RCOR2: variants seen among roughly 807,000 people sequenced by gnomAD.
RCOR2 encodes REST corepressor 2.
RCOR2 carries 19 observed loss-of-function variants against 58.9 expected under a neutral mutation model. The observed-to-expected ratio is 0.32, with a 90% CI of 0.23 to 0.47. RCOR2 has a LOEUF of 0.47. RCOR2 is among the 20% of genes least tolerant of loss of function. RCOR2 has a pLI of 1.00. For missense variants in RCOR2, 590 were observed against 707.9 expected, an observed-to-expected ratio of 0.83 and a Z score of 1.89; for synonymous variants, 286 against 278.7, an observed-to-expected ratio of 1.03 and a Z score of -0.26.
chr11:63,911,930 G>A lies in RCOR2; in HGVS notation c.1507C>T (p.Pro503Ser). Reference protein sequence around the residue: ...ALAAPRHSARPGPQPPPTLIG... With the variant: ...ALAAPRHSARSGPQPPPTLIG... Reference sequence around the variant, plus strand: ...AGGGTGGGTGGGGGCTGAGGGCCAGGGCGGGCGCTGTGGCGGGGGGCAGCC... The same window carrying A: ...AGGGTGGGTGGGGGCTGAGGGCCAGAGCGGGCGCTGTGGCGGGGGGCAGCC... The change falls in exon 12 of 12, where the codon CCT becomes TCT. Residue 503 changes from proline (P) to serine (S), a missense_variant. This residue lies in a region of RCOR2 where 196 missense variants were observed against 210.7 expected (regional missense o/e 0.93). Transcript: ENST00000301459. 1 of 1,300,364 alleles carries A rather than the reference G, an allele frequency of 7.7e-7. No individual in the cohort carries two copies. Among genetic ancestry groups the A allele is most frequent in the Non-Finnish European group, 1.0e-6 (1 of 976,050 alleles). The allele number at this position is 1,300,364 out of a possible 1,614,324, so 80.6% of individuals were successfully genotyped here.
At position 63,917,007 on chromosome 11, in the gene RCOR2, C is replaced by T. The variant is rs1035314841; in HGVS notation, c.-551G>A. ...GCGGCGACGGCGGCGGGACGGCGCG[C>T]ACGGCGCGCGGCGCTGGGCAGAGTT... On this transcript the variant is annotated 5_prime_UTR_variant, in exon 1 of 12. Coordinates refer to ENST00000301459, the MANE Select transcript of RCOR2 (RefSeq NM_173587.4). Among the ~76,000 whole-genome samples the T allele has an allele frequency of 2.0e-5, 3 of 146,768 alleles. No individual in the cohort carries two copies. The highest frequency in any genetic ancestry group is 4.5e-5 in the Non-Finnish European group (3 of 65,960).
At position 63,914,254 on chromosome 11, in the gene RCOR2, A is replaced by G; in HGVS notation, c.675+7T>C. 3 of 1,613,260 alleles carry G rather than the reference A, an allele frequency of 1.9e-6. No individual in the cohort carries two copies. The highest frequency in any genetic ancestry group is 2.5e-6 in the Non-Finnish European group (3 of 1,179,904). Reference sequence around the variant, plus strand: ...GCAGGCAGGGCCCAGAGGCTCTGGGAGCTCACCTCTCTCTTGGGATCTGCA... The same window carrying G: ...GCAGGCAGGGCCCAGAGGCTCTGGGGGCTCACCTCTCTCTTGGGATCTGCA... On this transcript the variant is annotated splice_region_variant and intron_variant, in intron 7 of 11. Transcript: ENST00000301459.
In RCOR2 at chr11:63,913,963, G is replaced by C. The variant is rs779634473; in HGVS notation, c.882C>G (p.Leu294=). 6.2e-7 allele frequency: 1 copy of C among 1,613,392 alleles called. No homozygotes were observed. Among genetic ancestry groups the C allele is most frequent in the Non-Finnish European group, 8.5e-7 (1 of 1,179,930 alleles). ...TTTCCCAGGGCCCCACCTGGCGCTT[G>C]AGGGAGATGAGCTGAGAGTCAAGAC... The part of the protein sequence containing the change: ...LRGLDSQLIS[L]KRQVQSMKQT... The change falls in exon 8 of 12, where the codon CTC becomes CTG. Residue 294 remains leucine (L), a synonymous_variant. Transcript: ENST00000301459.
intron 1 of RCOR2, among the ~76,000 whole-genome samples, chr11:63,915,840 G>A (rs1375468929): frequency 6.6e-6 from 1 of 152,234 alleles, no homozygotes; most frequent in African/African-American, 2.4e-5. Flanking sequence ...CTGGAGGGTG[G>A]ACAAGGGGAC....
At chr11:63,922,200 G>GTAAA in the RCOR2 span, among the ~76,000 whole-genome samples, 2 of 152,086 alleles carry the variant, frequency 1.3e-5, no homozygotes, top group Non-Finnish European at 2.9e-5. Context: ...TTTTTTGTTT[G>GTAAA]TAAACTACCC....
Position 63,916,598 on chromosome 11 carries a change from G to A in RCOR2, c.-142C>T, listed in dbSNP as rs1037402007. ...AGAGGCAGGAGGTCAGCGTGGCTAG[G>A]GTCCGGCGGGGTGGGAGCCCACCTG... On this transcript the variant is annotated 5_prime_UTR_variant, in exon 1 of 12. Coordinates refer to ENST00000301459, the MANE Select transcript of RCOR2 (RefSeq NM_173587.4). 25 of 1,375,650 alleles carry A rather than the reference G, an allele frequency of 1.8e-5. No homozygotes were observed. The highest frequency in any genetic ancestry group is 2.3e-5 in the Non-Finnish European group (24 of 1,047,872). The allele number at this position is 1,375,650 out of a possible 1,614,324, so 85.2% of individuals were successfully genotyped here. A position where few individuals can be genotyped will look rare whatever the true frequency, so the allele number is the denominator to read the frequency against.
chr11:63,913,618 G>A (rs2134245990), intron 8 of RCOR2, among the ~76,000 whole-genome samples: 1 of 152,006 alleles, frequency 6.6e-6, no homozygotes, highest in East Asian at 1.9e-4. Flanking sequence ...GAGTAGCTGG[G>A]ATTACAGGTG....
chr11:63,921,906 C>A (rs1337901787), upstream of RCOR2, among the ~76,000 whole-genome samples: 1 of 152,222 alleles, frequency 6.6e-6, no homozygotes, highest in Non-Finnish European at 1.5e-5. Flanking sequence ...GAACATTTCC[C>A]ACAAAGTCCA....
At chr11:63,918,024 C>T (rs1941884084), upstream of RCOR2, among the ~76,000 whole-genome samples, 1 of 152,132 alleles carries the variant, frequency 6.6e-6, no homozygotes, top group African/African-American at 2.4e-5. Flanking sequence ...CCAGCGCACA[C>T]ACCGGCGGCG....
At chr11:63,916,090 C>T (rs1941852099) in intron 1 of RCOR2, among the ~76,000 whole-genome samples, 1 of 152,188 alleles carries the variant, frequency 6.6e-6, no homozygotes. Flanking sequence ...TGCCTCGGTC[C>T]CTGAGGGGGT....
the RCOR2 span, among the ~76,000 whole-genome samples, chr11:63,927,463 C>T: frequency 6.6e-6 from 1 of 151,990 alleles, no homozygotes; most frequent in Admixed American, 6.6e-5. Context: ...GAGACGGGGT[C>T]TTGCTATGCT....
intron 2 of RCOR2, 119 bp downstream of exon 2, chr11:63,915,436 A>C (rs994289654): frequency 4.1e-6 from 5 of 1,209,496 alleles, no homozygotes; most frequent in Non-Finnish European, 5.9e-6. Flanking sequence ...CTGGGGGGCC[A>C]CCCACCCCTG....
the RCOR2 span, among the ~76,000 whole-genome samples, chr11:63,926,099 C>T: frequency 2.0e-5 from 3 of 152,076 alleles, no homozygotes; most frequent in East Asian, 1.9e-4. Flanking sequence ...TTAGTAGAGA[C>T]GGGGTTTCAC....
At position 63,914,441 on chromosome 11, in the gene RCOR2, C is replaced by T. The variant is rs1235945067; in HGVS notation, c.581G>A (p.Gly194Glu). 3 of 1,613,732 alleles carry T rather than the reference C, an allele frequency of 1.9e-6. No homozygotes were observed. Among genetic ancestry groups the T allele is most frequent in the Non-Finnish European group, 2.5e-6 (3 of 1,180,032 alleles). The change falls in exon 6 of 12, where the codon GGG (glycine) becomes GAG (glutamate). Residue 194 changes from glycine to glutamate, a missense_variant. Transcript: ENST00000301459. ...SVMDRQARRL[G>E]GRKDKEDSDE... ...CCTGTCTTCTTTGTCCTTGCGGCCC[C>T]CCAGCCGCCGGGCCTGTCTGTCCAT...
the RCOR2 span, among the ~76,000 whole-genome samples, chr11:63,926,360 C>T: frequency 2.0e-5 from 3 of 152,206 alleles, no homozygotes; most frequent in Non-Finnish European, 2.9e-5. Context: ...AACGATATGC[C>T]TTAGCTACAC....
chr11:63,912,831 A>G (rs1336480079), intron 9 of RCOR2, 39 bp downstream of exon 9: 2 of 1,609,692 alleles, frequency 1.2e-6, no homozygotes, highest in South Asian at 1.1e-5. Flanking sequence ...CTCCAGAGAG[A>G]AACCCCCCTT....
chr11:63,917,255 T>TGGGA (rs1310333711), upstream of RCOR2, among the ~76,000 whole-genome samples: 1 of 30,152 alleles, frequency 3.3e-5, no homozygotes, highest in Non-Finnish European at 8.2e-5. Context: ...GGCCCTGGGG[T>TGGGA]GGGAGGGAGG....
chr11:63,912,447 C>T lies in RCOR2; in HGVS notation c.1115G>A (p.Ser372Asn), dbSNP rs756425777. ...TLTQVKTFFV[S>N]YRRRFNLEEV... ...CTCCAGATTGAAGCGGCGCCGGTAGCTCACAAAGAAAGTCTTCACCTGGGT... is the reference window on the plus strand; with the variant it reads ...CTCCAGATTGAAGCGGCGCCGGTAGTTCACAAAGAAAGTCTTCACCTGGGT... The change falls in exon 11 of 12, where the codon AGC becomes AAC. Residue 372 changes from serine (S) to asparagine (N), a missense_variant. Physicochemically the swap from Ser to Asn is conservative, Grantham distance 46. Coordinates refer to ENST00000301459, the MANE Select transcript of RCOR2 (RefSeq NM_173587.4). The T allele has an allele frequency of 1.2e-6, 2 of 1,614,022 alleles. No homozygotes were observed. Among genetic ancestry groups the T allele is most frequent in the East Asian group, 2.2e-5 (1 of 44,886 alleles).
the RCOR2 span, among the ~76,000 whole-genome samples, chr11:63,926,408 T>C: frequency 6.6e-6 from 1 of 151,862 alleles, no homozygotes; most frequent in African/African-American, 2.4e-5. Context: ...CTGAGTCCCC[T>C]CTCTTTCCTC....
Sources: gnomAD v4.1 joint callset for allele counts (sites outside exome capture counted in the v4.1 genomes callset) on GRCh38, gnomAD v4.1.1 for gene constraint, gnomAD v4.1.1 regional missense constraint, MANE v1.5 for transcripts, NCBI Gene and HGNC (gene_info 2026-07-23, HGNC 2026-07-21) for gene names.